The following TBL1X variants were observed in gnomAD, a reference collection of about 807,000 sequenced individuals.
The protein encoded by TBL1X is F-box-like/WD repeat-containing protein TBL1X.
In TBL1X, 10 loss-of-function variants were observed where a neutral mutation model predicts 50.7. That is an observed-to-expected ratio of 0.20 (90% CI 0.12 to 0.33). The LOEUF (loss-of-function observed/expected upper bound fraction) is 0.33, where lower values mean the gene tolerates loss of function less well. Ranked by LOEUF, TBL1X falls within the 10% of genes least tolerant of loss-of-function variation. The pLI is 1.00. For synonymous variants in TBL1X, 190 were observed against 214.7 expected (o/e 0.88, Z 1.01); for missense variants, 340 against 504.4 (o/e 0.67, Z 3.12).
intron 2 of TBL1X, among the ~76,000 whole-genome samples, chrX:9,521,892 T>C (rs1390499962): frequency 1.8e-5 from 2 of 112,237 alleles, no homozygotes; most frequent in Non-Finnish European, 3.8e-5. Context: ...CCAGTGGAAC[T>C]TTCTGTGTAG....
At chrX:9,602,340 TTTTC>T (rs201014888) in intron 2 of TBL1X, among the ~76,000 whole-genome samples, 1,543 of 109,460 alleles carry the variant, frequency 0.014, 15 homozygotes, top group Middle Eastern at 0.028. Context: ...TCCAAGTTCT[TTTTC>T]TTTCTTTCTT....
intron 1 of TBL1X, among the ~76,000 whole-genome samples, chrX:9,471,990 G>A (rs2081817991): frequency 9.0e-6 from 1 of 111,074 alleles, no homozygotes; most frequent in African/African-American, 3.3e-5. Context: ...TAACCTTCCC[G>A]GCCAGCTCTC....
chrX:9,538,018 T>C (rs1390035318), intron 2 of TBL1X, among the ~76,000 whole-genome samples: 2 of 111,552 alleles, frequency 1.8e-5, no homozygotes, highest in Non-Finnish European at 1.9e-5. Context: ...ATTTCAGAGT[T>C]GAAAGCTTTG....
chrX:9,676,994 C>A (rs1433743129), intron 5 of TBL1X, among the ~76,000 whole-genome samples: 1 of 111,912 alleles, frequency 8.9e-6, no homozygotes, highest in Non-Finnish European at 1.9e-5. Context: ...GATAGGATTT[C>A]TAATTCCCTC....
chrX:9,491,327 TATATATATATA>T (rs1354399017), intron 1 of TBL1X, among the ~76,000 whole-genome samples: 31 of 30,143 alleles, frequency 1.0e-3, no homozygotes, highest in Non-Finnish European at 1.3e-3. Context: ...TATATATATA[TATATATATATA>T]TTTTTTTTTT....
intron 2 of TBL1X, among the ~76,000 whole-genome samples, chrX:9,603,346 A>G (rs1162661170): frequency 1.8e-5 from 2 of 112,401 alleles, no homozygotes; most frequent in African/African-American, 6.5e-5. Context: ...CACACACAAT[A>G]ACGATTATAC....
At chrX:9,620,620 T>G (rs138451929) in intron 2 of TBL1X, among the ~76,000 whole-genome samples, 2,082 of 111,601 alleles carry the variant, frequency 0.019, 26 homozygotes, top group South Asian at 0.038. Context: ...GAAGAGAGTT[T>G]CAGGTGGAGA....
chrX:9,686,269 T>A (rs1243137221), intron 6 of TBL1X, among the ~76,000 whole-genome samples: 1 of 111,707 alleles, frequency 9.0e-6, no homozygotes, highest in Non-Finnish European at 1.9e-5. Flanking sequence ...TGTGACTCTG[T>A]TTTTCTCTGC....
chrX:9,674,700 C>CCCCCA (rs2082982504), intron 5 of TBL1X, among the ~76,000 whole-genome samples: 1 of 50,986 alleles, frequency 2.0e-5, no homozygotes, highest in African/African-American at 6.7e-5. Context: ...CCCCCCCCCC[C>CCCCCA]CCCCAGTAGC....
intron 12 of TBL1X, among the ~76,000 whole-genome samples, chrX:9,701,951 C>T (rs1427147098): frequency 8.9e-6 from 1 of 111,830 alleles, no homozygotes; most frequent in African/African-American, 3.3e-5. Context: ...CTGACACCCG[C>T]GTCCTCCCAC....
chrX:9,549,569 C>T (rs1353286512), intron 2 of TBL1X, among the ~76,000 whole-genome samples: 2 of 111,068 alleles, frequency 1.8e-5, no homozygotes, highest in Non-Finnish European at 1.9e-5. Context: ...GGAAAGAGTC[C>T]GCCGACCCCC....
intron 1 of TBL1X, among the ~76,000 whole-genome samples, chrX:9,490,637 A>G (rs1473504849): frequency 8.9e-6 from 1 of 112,324 alleles, no homozygotes; most frequent in Admixed American, 9.4e-5. Flanking sequence ...TTCTTTCCAT[A>G]TAAGTAGACA....
At chrX:9,488,642 C>T (rs2081925804) in intron 1 of TBL1X, among the ~76,000 whole-genome samples, 1 of 111,969 alleles carries the variant, frequency 8.9e-6, no homozygotes, top group African/African-American at 3.3e-5. Flanking sequence ...GCATGAGCAT[C>T]TTTGGGGGCC....
intron 5 of TBL1X, among the ~76,000 whole-genome samples, chrX:9,676,101 C>T (rs1382474543): frequency 8.9e-6 from 1 of 112,047 alleles, no homozygotes; most frequent in Non-Finnish European, 1.9e-5. Flanking sequence ...CGTCGTAAAT[C>T]TCTGGTTTAG....
intron 2 of TBL1X, among the ~76,000 whole-genome samples, chrX:9,551,665 T>C (rs1435421542): frequency 9.0e-6 from 1 of 111,421 alleles, no homozygotes; most frequent in Non-Finnish European, 1.9e-5. Flanking sequence ...TGTTGGCCCA[T>C]GGGTGTTTGG....
intron 5 of TBL1X, among the ~76,000 whole-genome samples, chrX:9,664,570 GA>G (rs1168060983): frequency 3.6e-5 from 4 of 111,255 alleles, no homozygotes; most frequent in African/African-American, 1.3e-4. Context: ...TTTACTGGGG[GA>G]AAAAGTCGGT....
rs773169470 is a variant in TBL1X at position 9,481,730 on chromosome X, A to T, written c.-201+16283A>T. 1.5e-3 allele frequency among the ~76,000 whole-genome samples: 171 copies of T among 112,243 alleles called. 1 individual carries two copies. Among genetic ancestry groups the T allele is most frequent in the African/African-American group, 5.3e-3 (164 of 30,948 alleles). On this transcript the variant is annotated intron_variant, in intron 1 of 17. Coordinates refer to ENST00000645353, the MANE Select transcript of TBL1X (RefSeq NM_005647.4). ...CTGACAGGTCCAGGAGCTCCAAGTT[A>T]TCTTGAGCCCTTGAGGTGAGGAATT... is the stretch of plus-strand genomic sequence containing the variant.
chrX:9,669,231 G>A (rs753731366), intron 5 of TBL1X, among the ~76,000 whole-genome samples: 2 of 111,002 alleles, frequency 1.8e-5, no homozygotes, highest in Non-Finnish European at 3.8e-5. Context: ...CTTATTCCTC[G>A]TAATATAGGC....
intron 5 of TBL1X, among the ~76,000 whole-genome samples, chrX:9,661,383 G>A (rs1359772352): frequency 2.7e-5 from 3 of 111,588 alleles, no homozygotes; most frequent in Non-Finnish European, 5.7e-5. Context: ...AAATTAGCCG[G>A]GTGTGGTGGT....
Sources: allele counts gnomAD v4.1 joint callset (sites outside exome capture counted in the v4.1 genomes callset), GRCh38; gene constraint gnomAD v4.1.1; transcripts MANE v1.5; gene names NCBI Gene and HGNC (gene_info 2026-07-23, HGNC 2026-07-21).